The following NTRK3 variants were observed in gnomAD, a reference collection of about 807,000 sequenced individuals.
NTRK3 encodes NT-3 growth factor receptor.
Under a neutral mutation model 91.7 loss-of-function variants are expected in NTRK3, and 24 were observed. The observed-to-expected ratio is 0.26, with a 90% CI of 0.19 to 0.37. The LOEUF (loss-of-function observed/expected upper bound fraction) is 0.37, where lower values mean the gene tolerates loss of function less well. Among genes scored for constraint, NTRK3 ranks in the 10% least tolerant of loss-of-function variants. NTRK3 has a pLI of 1.00. For missense variants in NTRK3, 880 were observed against 1,068.9 expected, an observed-to-expected ratio of 0.82 and a Z score of 2.46; for synonymous variants, 483 against 404.0, an observed-to-expected ratio of 1.20 and a Z score of -2.34.
chr15:88,141,648 G>A (rs971514926), intron 6 of NTRK3, among the ~76,000 whole-genome samples: 9 of 152,246 alleles, frequency 5.9e-5, no homozygotes, highest in African/African-American at 2.2e-4. Context: ...GAGGGGCTTG[G>A]CTGCATTGCC....
At chr15:88,036,961 G>A (rs1022025707) in intron 13 of NTRK3, among the ~76,000 whole-genome samples, 1 of 152,212 alleles carries the variant, frequency 6.6e-6, no homozygotes, top group African/African-American at 2.4e-5. Flanking sequence ...AAAGTCCATA[G>A]ATAGCAAGTA....
intron 17 of NTRK3, among the ~76,000 whole-genome samples, chr15:87,884,436 G>C (rs1302989568): frequency 6.6e-6 from 1 of 151,536 alleles, no homozygotes; most frequent in Non-Finnish European, 1.5e-5. Context: ...AGCAAAAAAA[G>C]ATAGAAACTT....
chr15:88,044,647 T>C (rs1229574149), intron 13 of NTRK3, among the ~76,000 whole-genome samples: 1 of 144,302 alleles, frequency 6.9e-6, no homozygotes, highest in Non-Finnish European at 1.5e-5. Flanking sequence ...AACACACTTC[T>C]GAACTATAAT....
chr15:87,868,058 A>G lies in NTRK3; in HGVS notation c.*8877T>C, dbSNP rs940947938. ...TATAGATGACTTTAAGAAATCACACATGTGATGCACACTTCATTGCAAATG... is the reference window on the plus strand; with the variant it reads ...TATAGATGACTTTAAGAAATCACACGTGTGATGCACACTTCATTGCAAATG... On this transcript the variant is annotated 3_prime_UTR_variant, in exon 19 of 19. Coordinates refer to ENST00000394480, the Ensembl canonical transcript of NTRK3. 7 of 231,456 alleles carry G rather than the reference A, an allele frequency of 3.0e-5. No individual in the cohort carries two copies. In the Admixed American group the frequency reaches 3.9e-4, roughly 13 times the overall value. 14.3% of individuals were successfully genotyped at this position (231,456 alleles called of 1,614,324 possible). A position where few individuals can be genotyped will look rare whatever the true frequency, so the allele number is the denominator to read the frequency against.
intron 13 of NTRK3, among the ~76,000 whole-genome samples, chr15:88,080,252 G>A (rs564809883): frequency 5.9e-5 from 9 of 152,170 alleles, no homozygotes; most frequent in Admixed American, 2.6e-4. Context: ...CAGTCAAAGA[G>A]AATATCTTTT....
chr15:87,998,112 T>C (rs2075836618), intron 14 of NTRK3, among the ~76,000 whole-genome samples: 1 of 152,204 alleles, frequency 6.6e-6, no homozygotes, highest in Non-Finnish European at 1.5e-5. Flanking sequence ...ATCCCTGGTC[T>C]CTCCTCACTG....
intron 14 of NTRK3, among the ~76,000 whole-genome samples, chr15:87,947,596 G>C (rs1353545896): frequency 6.6e-6 from 1 of 152,056 alleles, no homozygotes; most frequent in Non-Finnish European, 1.5e-5. Flanking sequence ...CCCAGAAACA[G>C]AGTTTCCAGG....
At chr15:87,954,319 C>A (rs1246343016) in intron 14 of NTRK3, among the ~76,000 whole-genome samples, 2 of 152,186 alleles carry the variant, frequency 1.3e-5, no homozygotes, top group Non-Finnish European at 1.5e-5. Context: ...TCTATGTCTC[C>A]TCTCTAAGTA....
At chr15:87,883,266 T>C (rs943658514) in intron 17 of NTRK3, among the ~76,000 whole-genome samples, 2 of 149,440 alleles carry the variant, frequency 1.3e-5, no homozygotes, top group African/African-American at 4.9e-5. Flanking sequence ...ATTAAATTTA[T>C]ATCATAATTA....
rs11635277 is a variant in NTRK3 at position 88,115,868 on chromosome 15, A to T, written c.1396+10403T>A. ...TTAACCCATGGGGCTTCCTCCGCCC[A>T]CCGACAGACCCACTCCGAGCCACTC... On this transcript the variant is annotated intron_variant, in intron 13 of 18. Coordinates refer to ENST00000394480, the Ensembl canonical transcript of NTRK3. Among the ~76,000 whole-genome samples, 11 of 151,944 alleles carry T rather than the reference A, an allele frequency of 7.2e-5. No homozygotes were observed. In the South Asian group the frequency reaches 2.3e-3, roughly 32 times the overall value.
intron 3 of NTRK3, among the ~76,000 whole-genome samples, chr15:88,186,540 G>C (rs1172571903): frequency 6.6e-6 from 1 of 152,222 alleles, no homozygotes; most frequent in Non-Finnish European, 1.5e-5. Context: ...CAGTGCAACA[G>C]TGTGGGTAGG....
intron 13 of NTRK3, among the ~76,000 whole-genome samples, chr15:88,040,211 A>T (rs2079469341): frequency 1.3e-5 from 2 of 152,238 alleles, no homozygotes. Context: ...AGGAATCTCT[A>T]TTTTACTTTT....
At chr15:87,935,734 C>A (rs572259391) in intron 15 of NTRK3, among the ~76,000 whole-genome samples, 1 of 152,186 alleles carries the variant, frequency 6.6e-6, no homozygotes, top group Non-Finnish European at 1.5e-5. Context: ...ACAGTCTGGA[C>A]GTCAATGACA....
At chr15:88,178,836 G>C (rs2046221725) in intron 5 of NTRK3, among the ~76,000 whole-genome samples, 1 of 152,208 alleles carries the variant, frequency 6.6e-6, no homozygotes, top group Admixed American at 6.5e-5. Context: ...TGAGGATGGA[G>C]CGTGCTGAAT....
At position 87,989,844 on chromosome 15, in the gene NTRK3, G is replaced by T. The variant is rs567372670; in HGVS notation, c.1585+43013C>A. ...CTGGTCTATAACTCCTGACCTCAAG[G>T]GATGCGCCCACCTCAGCCTCCCAAA... On this transcript the variant is annotated intron_variant, in intron 14 of 18. Coordinates refer to ENST00000394480, the Ensembl canonical transcript of NTRK3. 2.6e-5 allele frequency among the ~76,000 whole-genome samples: 4 copies of T among 152,072 alleles called. No individual in the cohort carries two copies. The South Asian group carries it at 8.3e-4, about 32-fold the overall frequency.
chr15:88,174,000 G>C (rs926942441), intron 5 of NTRK3, among the ~76,000 whole-genome samples: 1 of 152,322 alleles, frequency 6.6e-6, no homozygotes, highest in South Asian at 2.1e-4. Context: ...AGGAATGCTT[G>C]GTCTATAGTC....
intron 13 of NTRK3, among the ~76,000 whole-genome samples, chr15:88,122,813 G>A (rs1243294600): frequency 6.6e-6 from 1 of 151,960 alleles, no homozygotes; most frequent in African/African-American, 2.4e-5. Flanking sequence ...ACTCTAACTA[G>A]CCCATTGTTA....
intron 14 of NTRK3, among the ~76,000 whole-genome samples, chr15:87,988,485 T>C (rs2075027872): frequency 6.6e-6 from 1 of 152,224 alleles, no homozygotes; most frequent in Admixed American, 6.5e-5. Context: ...CATGGTGATA[T>C]AGAATGATTA....
chr15:87,963,264 A>G (rs1225345794), intron 14 of NTRK3, among the ~76,000 whole-genome samples: 3 of 152,146 alleles, frequency 2.0e-5, no homozygotes, highest in African/African-American at 7.2e-5. Context: ...CTTAACCACC[A>G]AGAGTACCTA....
Sources: gnomAD v4.1 joint callset for allele counts (sites outside exome capture counted in the v4.1 genomes callset) on GRCh38, gnomAD v4.1.1 for gene constraint, MANE v1.5 for transcripts, NCBI Gene and HGNC (gene_info 2026-07-23, HGNC 2026-07-21) for gene names.